FNIP1: variants seen among roughly 807,000 people sequenced by gnomAD.
FNIP1 encodes the protein folliculin-interacting protein 1.
Under a neutral mutation model 124.5 loss-of-function variants are expected in FNIP1, and 40 were observed. That is an observed-to-expected ratio of 0.32 (90% CI 0.25 to 0.42). The LOEUF (loss-of-function observed/expected upper bound fraction) is 0.42. FNIP1 is among the 10% of genes least tolerant of loss of function. The pLI, the probability that FNIP1 is intolerant of heterozygous loss-of-function variation, is 1.00. For missense variants in FNIP1, 1,176 were observed against 1,403.7 expected (o/e 0.84, Z 2.59); for synonymous variants, 472 against 470.6 (o/e 1.00, Z -0.04).
chr5:131,693,928 C>G (rs550060125), intron 11 of FNIP1, among the ~76,000 whole-genome samples: 3 of 152,070 alleles, frequency 2.0e-5, no homozygotes, highest in Non-Finnish European at 2.9e-5. Flanking sequence ...CAAACAGACA[C>G]TTCACCGAAA....
At chr5:131,729,834 C>T (rs753581971) in intron 3 of FNIP1, among the ~76,000 whole-genome samples, 21 of 152,062 alleles carry the variant, frequency 1.4e-4, no homozygotes, top group Middle Eastern at 3.2e-3. Flanking sequence ...CAACATCCGC[C>T]TCCCAGGTTC....
chr5:131,694,246 T>C (rs754383822), intron 11 of FNIP1, among the ~76,000 whole-genome samples: 15 of 152,212 alleles, frequency 9.9e-5, no homozygotes, highest in Non-Finnish European at 1.6e-4. Context: ...GTTGAAAACA[T>C]GTCCACATAA....
chr5:131,647,779 T>C (rs921821296), intron 16 of FNIP1, among the ~76,000 whole-genome samples: 4 of 152,168 alleles, frequency 2.6e-5, no homozygotes, highest in African/African-American at 9.7e-5. Context: ...CCAGCCCTTT[T>C]TAACCATTTT....
intron 15 of FNIP1, among the ~76,000 whole-genome samples, chr5:131,653,237 G>T (rs1317343948): frequency 6.6e-6 from 1 of 151,320 alleles, no homozygotes; most frequent in Non-Finnish European, 1.5e-5. Flanking sequence ...ACATTGTTAA[G>T]TGAAAAAAAA....
chr5:131,646,737 C>T (rs192650674), intron 17 of FNIP1, among the ~76,000 whole-genome samples: 2 of 152,208 alleles, frequency 1.3e-5, no homozygotes, highest in Non-Finnish European at 2.9e-5. Flanking sequence ...CTACAGACTT[C>T]TGTTACCTCA....
intron 15 of FNIP1, among the ~76,000 whole-genome samples, chr5:131,663,017 A>G (rs1313761313): frequency 6.6e-6 from 1 of 152,156 alleles, no homozygotes; most frequent in Non-Finnish European, 1.5e-5. Context: ...TGCTGGGATT[A>G]CAGGTGTGAG....
At chr5:131,712,623 G>A (rs1396094011) in intron 6 of FNIP1, among the ~76,000 whole-genome samples, 3 of 152,072 alleles carry the variant, frequency 2.0e-5, no homozygotes, top group Non-Finnish European at 4.4e-5. Context: ...ATTTTTTGGA[G>A]GCCTGTAATA....
At chr5:131,674,884 A>G (rs1372614571) in intron 13 of FNIP1, among the ~76,000 whole-genome samples, 2 of 152,204 alleles carry the variant, frequency 1.3e-5, no homozygotes, top group East Asian at 3.9e-4. Context: ...TATAAGCTAT[A>G]GATACTATTA....
intron 2 of FNIP1, among the ~76,000 whole-genome samples, chr5:131,737,440 T>C (rs1770350397): frequency 6.6e-6 from 1 of 152,208 alleles, no homozygotes; most frequent in South Asian, 2.1e-4. Flanking sequence ...GTTTCAGAGA[T>C]TGGACATACA....
rs34544569 is a variant in FNIP1, at chr5:131,763,288, TACACACACACACACAC to T, written c.93-18614_93-18599del. Reference sequence around the variant, plus strand: ...ATCTCACATACTTTGCAAATGCAAATACACACACACACACACACACACACACACACACACACACGAC... The same window carrying T: ...ATCTCACATACTTTGCAAATGCAAATACACACACACACACACACACACGAC... On this transcript the variant is annotated intron_variant, in intron 1 of 17. Transcript: ENST00000510461. Among the ~76,000 whole-genome samples the T allele has an allele frequency of 5.8e-3, 860 of 147,890 alleles. 4 individuals carry two copies. Among genetic ancestry groups the T allele is most frequent in the African/African-American group, 0.017 (683 of 39,872 alleles).
intron 5 of FNIP1, 52 bp downstream of exon 5, chr5:131,718,934 T>C (rs936220025): frequency 2.7e-6 from 4 of 1,482,482 alleles, no homozygotes; most frequent in Non-Finnish European, 2.8e-6. Flanking sequence ...TTAGTTTTCA[T>C]ACTTTGCACA....
rs139637752 is a variant in FNIP1, at chr5:131,764,732, C to T, written c.93-20042G>A. Among the ~76,000 whole-genome samples, 242 of 152,240 alleles carry T rather than the reference C, an allele frequency of 1.6e-3. 1 individual carries two copies. The highest frequency in any genetic ancestry group is 5.6e-3 in the African/African-American group (233 of 41,544). ...TACGCATTTGAGAACCAGAACTACA[C>T]ATGCATCAATTATTTACTGTTTATA... On this transcript the variant is annotated intron_variant, in intron 1 of 17. Coordinates refer to ENST00000510461, the MANE Select transcript of FNIP1 (RefSeq NM_133372.3).
chr5:131,665,573 A>T (rs970375067), intron 15 of FNIP1, among the ~76,000 whole-genome samples: 50 of 149,592 alleles, frequency 3.3e-4, no homozygotes, highest in Middle Eastern at 3.5e-3. Flanking sequence ...AGGATTAAAA[A>T]ATATATATAT....
chr5:131,773,391 A>G (rs886163350), intron 1 of FNIP1, among the ~76,000 whole-genome samples: 3 of 152,182 alleles, frequency 2.0e-5, no homozygotes, highest in Admixed American at 2.0e-4. Flanking sequence ...TTAACATGCA[A>G]TCTGCTGACC....
intron 3 of FNIP1, among the ~76,000 whole-genome samples, chr5:131,720,962 G>C (rs1769640164): frequency 6.6e-6 from 1 of 152,164 alleles, no homozygotes; most frequent in African/African-American, 2.4e-5. Context: ...ATGTGATCTG[G>C]CAATTCCACT....
At chr5:131,670,242 G>A (rs947992373) in intron 15 of FNIP1, among the ~76,000 whole-genome samples, 15 of 152,086 alleles carry the variant, frequency 9.9e-5, no homozygotes, top group Admixed American at 9.8e-4. Flanking sequence ...AATACATAAA[G>A]TACTTTCTGT....
At chr5:131,755,322 G>A (rs980376885) in intron 1 of FNIP1, among the ~76,000 whole-genome samples, 1 of 151,860 alleles carries the variant, frequency 6.6e-6, no homozygotes, top group Non-Finnish European at 1.5e-5. Flanking sequence ...TTGGGAGGCT[G>A]GGACAGGAGA....
chr5:131,731,751 T>C (rs568777075), intron 2 of FNIP1, among the ~76,000 whole-genome samples: 2 of 152,278 alleles, frequency 1.3e-5, no homozygotes, highest in Non-Finnish European at 2.9e-5. Context: ...TTTATCAATA[T>C]TTTCCCATAT....
chr5:131,786,202 T>C (rs1294668209), intron 1 of FNIP1, among the ~76,000 whole-genome samples: 9 of 152,254 alleles, frequency 5.9e-5, no homozygotes, highest in Non-Finnish European at 1.0e-4. Flanking sequence ...TCAGTGACTA[T>C]TTTTATTCAT....
Sources: gnomAD v4.1 joint callset for allele counts (sites outside exome capture counted in the v4.1 genomes callset) on GRCh38, gnomAD v4.1.1 for gene constraint, MANE v1.5 for transcripts, NCBI Gene and HGNC (gene_info 2026-07-23, HGNC 2026-07-21) for gene names.